The following ENOX1 variants were observed in gnomAD, a reference collection of about 807,000 sequenced individuals.
ENOX1 encodes the protein ecto-NOX disulfide-thiol exchanger 1.
In ENOX1, 42 loss-of-function variants were observed where a neutral mutation model predicts 82.5. The observed-to-expected ratio is 0.51, with a 90% CI of 0.40 to 0.66. The LOEUF (loss-of-function observed/expected upper bound fraction) is 0.66. ENOX1 is among the 30% of genes least tolerant of loss of function. The probability of loss-of-function intolerance (pLI) is 0.00; values close to 1 mark genes in which losing one functional copy is unlikely to be tolerated. For synonymous variants in ENOX1, 271 were observed against 282.2 expected (o/e 0.96, Z 0.40); for missense variants, 608 against 811.6 (o/e 0.75, Z 3.05).
chr13:43,236,797 T>TA (rs1440144376), intron 14 of ENOX1, 59 bp from the exon 15 acceptor site: 2 of 909,960 alleles, frequency 2.2e-6, no homozygotes, highest in East Asian at 2.8e-5. Context: ...TGCATGTCAA[T>TA]AAAAAACACC....
At chr13:43,345,651 T>C (rs1399602735) in intron 8 of ENOX1, among the ~76,000 whole-genome samples, 2 of 152,236 alleles carry the variant, frequency 1.3e-5, no homozygotes, top group African/African-American at 4.8e-5. Flanking sequence ...GGAAGTTGTA[T>C]GTCAGTTGTT....
intron 3 of ENOX1, among the ~76,000 whole-genome samples, chr13:43,446,229 C>T (rs1295366872): frequency 6.6e-6 from 1 of 151,686 alleles, no homozygotes; most frequent in African/African-American, 2.4e-5. Context: ...ATAAAAATGG[C>T]CTCATTTTGG....
chr13:43,476,782 T>G (rs1366048122), intron 3 of ENOX1, among the ~76,000 whole-genome samples: 4 of 151,950 alleles, frequency 2.6e-5, no homozygotes, highest in Non-Finnish European at 5.9e-5. Flanking sequence ...AAGAAGGAAG[T>G]GAGAGGTTTT....
At chr13:43,281,158 G>C (rs2045357861) in intron 12 of ENOX1, among the ~76,000 whole-genome samples, 1 of 152,118 alleles carries the variant, frequency 6.6e-6, no homozygotes, top group African/African-American at 2.4e-5. Context: ...AACTATCTCA[G>C]ATTTGCCCTG....
intron 12 of ENOX1, among the ~76,000 whole-genome samples, chr13:43,288,164 G>A (rs184534427): frequency 6.6e-6 from 1 of 152,314 alleles, no homozygotes; most frequent in African/African-American, 2.4e-5. Context: ...AATAGTTAAA[G>A]GAAGACCATG....
chr13:43,494,771 C>T (rs947583621), intron 2 of ENOX1, among the ~76,000 whole-genome samples: 6 of 151,856 alleles, frequency 4.0e-5, no homozygotes, highest in African/African-American at 7.3e-5. Flanking sequence ...TGAAGATGAA[C>T]GTGGCATCAA....
intron 2 of ENOX1, among the ~76,000 whole-genome samples, chr13:43,628,161 C>CA (rs1437332946): frequency 6.6e-6 from 1 of 152,134 alleles, no homozygotes; most frequent in Non-Finnish European, 1.5e-5. Context: ...GAGAAATTTT[C>CA]AGCCATTATA....
At chr13:43,220,581 A>C (rs901664421) in intron 16 of ENOX1, among the ~76,000 whole-genome samples, 3 of 152,216 alleles carry the variant, frequency 2.0e-5, no homozygotes, top group African/African-American at 7.2e-5. Context: ...AGTGCTGGGT[A>C]CATGAAAAGC....
At chr13:43,556,086 G>A (rs2079423279) in intron 2 of ENOX1, among the ~76,000 whole-genome samples, 1 of 152,126 alleles carries the variant, frequency 6.6e-6, no homozygotes, top group Non-Finnish European at 1.5e-5. Context: ...TCAATGTATA[G>A]CAAAAAGCAT....
chr13:43,526,498 T>C (rs1476485746), intron 2 of ENOX1, among the ~76,000 whole-genome samples: 2 of 151,888 alleles, frequency 1.3e-5, no homozygotes, highest in Non-Finnish European at 2.9e-5. Flanking sequence ...TGAAAAAAAA[T>C]AAAATTTTAA....
rs535267151 is a variant in ENOX1, at chr13:43,488,350, C to A, written c.-218-4198G>T. Among the ~76,000 whole-genome samples the A allele has an allele frequency of 9.8e-5, 15 of 152,294 alleles. No individual in the cohort carries two copies. In the South Asian group the frequency reaches 1.4e-3, roughly 15 times the overall value. Reference sequence around the variant, plus strand: ...GTGCAAACACAGCAATATTCCCCTCCAGAGAAACCATCTTGGAAGTGGAGA... The same window carrying A: ...GTGCAAACACAGCAATATTCCCCTCAAGAGAAACCATCTTGGAAGTGGAGA... On this transcript the variant is annotated intron_variant, in intron 2 of 16. Transcript: ENST00000690772.
At chr13:43,780,650 A>C (rs2153848797) in intron 1 of ENOX1, among the ~76,000 whole-genome samples, 1 of 152,376 alleles carries the variant, frequency 6.6e-6, no homozygotes, top group Non-Finnish European at 1.5e-5. Flanking sequence ...CAAAGATTCA[A>C]CAGGATAAAG....
chr13:43,227,835 G>A (rs766490213), intron 15 of ENOX1, among the ~76,000 whole-genome samples: 76 of 152,014 alleles, frequency 5.0e-4, no homozygotes, highest in Admixed American at 9.8e-4. Flanking sequence ...TCACAAATAG[G>A]CTTCCCAAGC....
chr13:43,741,277 GTTTCACCA>G (rs2089899871), intron 1 of ENOX1, among the ~76,000 whole-genome samples: 1 of 152,066 alleles, frequency 6.6e-6, no homozygotes, highest in Non-Finnish European at 1.5e-5. Context: ...TAGAGACGGG[GTTTCACCA>G]TGTTGGCCAG....
intron 2 of ENOX1, among the ~76,000 whole-genome samples, chr13:43,555,108 T>G (rs1160482228): frequency 4.5e-5 from 1 of 22,006 alleles, no homozygotes; most frequent in African/African-American, 1.0e-4. Flanking sequence ...CCCAAAATAG[T>G]AAATTATAAA....
At chr13:43,312,467 T>G (rs2047259389) in intron 11 of ENOX1, among the ~76,000 whole-genome samples, 1 of 152,196 alleles carries the variant, frequency 6.6e-6, no homozygotes, top group African/African-American at 2.4e-5. Context: ...GGGCTGATAT[T>G]GTAGCTCAGA....
intron 12 of ENOX1, among the ~76,000 whole-genome samples, chr13:43,281,266 A>G (rs561346225): frequency 7.2e-5 from 11 of 152,346 alleles, no homozygotes; most frequent in Admixed American, 4.6e-4. Flanking sequence ...AATGTGCCAC[A>G]TATTCTTAAT....
intron 1 of ENOX1, among the ~76,000 whole-genome samples, chr13:43,749,330 T>G (rs1950187512): frequency 6.6e-6 from 1 of 152,244 alleles, no homozygotes; most frequent in Admixed American, 6.5e-5. Flanking sequence ...TCCTTTGGCT[T>G]TGTAACCAAG....
chr13:43,733,149 G>A (rs531140940), intron 1 of ENOX1, among the ~76,000 whole-genome samples: 4 of 152,114 alleles, frequency 2.6e-5, no homozygotes, highest in East Asian at 1.9e-4. Context: ...CCACAACACC[G>A]TGAGCATTAT....
Sources: gnomAD v4.1 joint callset for allele counts (sites outside exome capture counted in the v4.1 genomes callset) on GRCh38, gnomAD v4.1.1 for gene constraint, MANE v1.5 for transcripts, NCBI Gene and HGNC (gene_info 2026-07-23, HGNC 2026-07-21) for gene names.